The following NXPE4 variants were observed in gnomAD, a reference collection of about 807,000 sequenced individuals.
The protein encoded by NXPE4 is NXPE family member 4.
Under a neutral mutation model 33.3 loss-of-function variants are expected in NXPE4, and 42 were observed. That is an observed-to-expected ratio of 1.26 (90% CI 0.98 to 1.63). The LOEUF is 1.63. Ranked by LOEUF, NXPE4 falls within the 40% of genes most tolerant of loss-of-function variation. The pLI, the probability that NXPE4 is intolerant of heterozygous loss-of-function variation, is 0.00. For synonymous variants in NXPE4, 253 were observed against 234.9 expected (o/e 1.08, Z -0.71); for missense variants, 709 against 647.6 (o/e 1.09, Z -1.03).
At chr11:114,665,517 A>C in the NXPE4 span, among the ~76,000 whole-genome samples, 4 of 152,310 alleles carry the variant, frequency 2.6e-5, no homozygotes, top group East Asian at 5.8e-4. Flanking sequence ...GAGGTTCTCA[A>C]AGCATGCAAA....
At chr11:114,580,037 A>C in intron 5 of NXPE4, 95 bp downstream of exon 5, 1 of 1,106,310 alleles carries the variant, frequency 9.0e-7, no homozygotes, top group Non-Finnish European at 1.3e-6. Context: ...GAAGAATATG[A>C]AAAAAAGAGG....
chr11:114,675,995 G>C, the NXPE4 span, among the ~76,000 whole-genome samples: 1 of 151,888 alleles, frequency 6.6e-6, no homozygotes, highest in African/African-American at 2.4e-5. Context: ...AGCACACAAT[G>C]GAGAAAAGAC....
At chr11:114,671,565 G>C in the NXPE4 span, among the ~76,000 whole-genome samples, 2 of 151,864 alleles carry the variant, frequency 1.3e-5, no homozygotes, top group African/African-American at 2.4e-5. Flanking sequence ...AACATACCAG[G>C]TAACCACAAT....
chr11:114,653,936 C>A, the NXPE4 span, among the ~76,000 whole-genome samples: 2 of 152,074 alleles, frequency 1.3e-5, no homozygotes, highest in Non-Finnish European at 1.5e-5. Context: ...CCCATGATGT[C>A]TTGAAACATG....
the NXPE4 span, among the ~76,000 whole-genome samples, chr11:114,636,465 A>C: frequency 2.6e-5 from 4 of 151,406 alleles, no homozygotes; most frequent in Admixed American, 6.6e-5. Context: ...TATTTCCTTC[A>C]GTTCTGCTCT....
chr11:114,601,733 A>AT, the NXPE4 span, among the ~76,000 whole-genome samples: 4 of 72,068 alleles, frequency 5.6e-5, no homozygotes, highest in Non-Finnish European at 9.3e-5. Flanking sequence ...ATTATATATT[A>AT]TATATAATTA....
chr11:114,644,076 G>C, the NXPE4 span, among the ~76,000 whole-genome samples: 4 of 152,258 alleles, frequency 2.6e-5, no homozygotes, highest in African/African-American at 9.6e-5. Context: ...TGGTGTATAA[G>C]AATGCTTGGG....
rs1472288953 is a variant in NXPE4 at position 114,571,213 on chromosome 11, C to T, written c.1360G>A (p.Val454Ile). 1.9e-6 allele frequency: 3 copies of T among 1,613,980 alleles called. No individual in the cohort carries two copies. The highest frequency in any genetic ancestry group is 2.5e-6 in the Non-Finnish European group (3 of 1,179,958). ...AGAAGATGCTGAATGGCTTTGTGGA[C>T]ATTGAGGGCCCTTCGGATAAAAACA... ...IDVFIRRALNVHKAIQHLLLR... is the reference protein window; with the variant it reads ...IDVFIRRALNIHKAIQHLLLR... Residue 454 changes from valine (V) to isoleucine (I), a missense_variant, in exon 6 of 6, where the codon GTC becomes ATC. Val to Ile is a conservative substitution (Grantham distance 29). Transcript: ENST00000375478.
chr11:114,671,885 C>T, the NXPE4 span, among the ~76,000 whole-genome samples: 124 of 151,972 alleles, frequency 8.2e-4, no homozygotes, highest in Non-Finnish European at 1.7e-3. Context: ...TCTCACACTG[C>T]TATAAAGACA....
At chr11:114,652,383 C>T in the NXPE4 span, among the ~76,000 whole-genome samples, 2 of 152,170 alleles carry the variant, frequency 1.3e-5, no homozygotes, top group African/African-American at 2.4e-5. Context: ...CCCTAGACTG[C>T]GATTTGTACA....
chr11:114,674,115 AAACAAACAAAC>A, the NXPE4 span, among the ~76,000 whole-genome samples: 107 of 107,234 alleles, frequency 1.0e-3, no homozygotes, highest in East Asian at 7.2e-3. Flanking sequence ...ACAAACAAAC[AAACAAACAAAC>A]AAGTGAACAA....
the NXPE4 span, among the ~76,000 whole-genome samples, chr11:114,661,221 AG>A: frequency 2.0e-5 from 3 of 152,186 alleles, no homozygotes; most frequent in Non-Finnish European, 4.4e-5. Flanking sequence ...AAAATCCAGT[AG>A]GGTACTTTTT....
At chr11:114,629,077 G>A in the NXPE4 span, among the ~76,000 whole-genome samples, 2 of 152,102 alleles carry the variant, frequency 1.3e-5, no homozygotes, top group Non-Finnish European at 2.9e-5. Context: ...ATTCACAGTC[G>A]AATTCTACCA....
chr11:114,574,394 A>G (rs1948953236), intron 5 of NXPE4, among the ~76,000 whole-genome samples: 1 of 152,020 alleles, frequency 6.6e-6, no homozygotes, highest in Non-Finnish European at 1.5e-5. Flanking sequence ...CAAAAGTAAT[A>G]CAAAAATAAA....
At chr11:114,628,603 T>G in the NXPE4 span, among the ~76,000 whole-genome samples, 1 of 146,766 alleles carries the variant, frequency 6.8e-6, no homozygotes, top group East Asian at 2.0e-4. Context: ...ACATCACAAT[T>G]AAAAGAACTA....
At chr11:114,602,135 CAT>C in the NXPE4 span, among the ~76,000 whole-genome samples, 3 of 98,878 alleles carry the variant, frequency 3.0e-5, no homozygotes, top group Non-Finnish European at 5.3e-5. Flanking sequence ...TTATACATAA[CAT>C]ATACTATATA....
the NXPE4 span, among the ~76,000 whole-genome samples, chr11:114,666,003 G>T: frequency 6.6e-6 from 1 of 152,040 alleles, no homozygotes; most frequent in African/African-American, 2.4e-5. Context: ...ACAGGTTTCC[G>T]ATTCCAGTGC....
chr11:114,571,746 C>G (rs531316096), intron 5 of NXPE4, among the ~76,000 whole-genome samples: 100 of 152,290 alleles, frequency 6.6e-4, no homozygotes, highest in Non-Finnish European at 1.3e-3. Flanking sequence ...ACATCATGAA[C>G]TTCTGCTCCA....
At chr11:114,631,274 A>T in the NXPE4 span, among the ~76,000 whole-genome samples, 1 of 151,516 alleles carries the variant, frequency 6.6e-6, no homozygotes, top group Admixed American at 6.6e-5. Context: ...GAACCAACCA[A>T]AATGTCCAAC....
Sources: allele counts gnomAD v4.1 joint callset (sites outside exome capture counted in the v4.1 genomes callset), GRCh38; gene constraint gnomAD v4.1.1; transcripts MANE v1.5; gene names NCBI Gene and HGNC (gene_info 2026-07-23, HGNC 2026-07-21).